Variants in EEFSEC observed in about 807,000 individuals in gnomAD.
EEFSEC encodes the protein selenocysteine-specific elongation factor.
In EEFSEC, 43 loss-of-function variants were observed where a neutral mutation model predicts 42.1. The ratio of observed to expected loss-of-function variants is 1.02; its 90% confidence interval spans 0.80 to 1.32. EEFSEC has a LOEUF of 1.32. Among genes scored for constraint, EEFSEC ranks in the 40% most tolerant of loss-of-function variants. EEFSEC has a pLI of 0.00. For missense variants in EEFSEC, 745 were observed against 803.6 expected, an observed-to-expected ratio of 0.93 and a Z score of 0.88; for synonymous variants, 354 against 339.1, an observed-to-expected ratio of 1.04 and a Z score of -0.48.
intron 4 of EEFSEC, among the ~76,000 whole-genome samples, chr3:128,336,458 G>C (rs898981592): frequency 6.6e-6 from 1 of 152,136 alleles, no homozygotes; most frequent in Non-Finnish European, 1.5e-5. Context: ...CCCCATCACT[G>C]GTGGCTTCCT....
At chr3:128,347,495 T>C (rs1467909646) in intron 5 of EEFSEC, among the ~76,000 whole-genome samples, 1 of 152,116 alleles carries the variant, frequency 6.6e-6, no homozygotes, top group South Asian at 2.1e-4. Context: ...GGAAAGAAAC[T>C]ATATGAATGC....
intron 1 of EEFSEC, among the ~76,000 whole-genome samples, chr3:128,216,873 C>G (rs146160569): frequency 1.4e-4 from 21 of 152,116 alleles, no homozygotes; most frequent in African/African-American, 4.8e-4. Context: ...CAGGGACAGT[C>G]TTTGTTCCCT....
intron 6 of EEFSEC, among the ~76,000 whole-genome samples, chr3:128,374,084 T>C (rs2067683546): frequency 6.6e-6 from 1 of 152,252 alleles, no homozygotes; most frequent in Admixed American, 6.5e-5. Flanking sequence ...GCAAGGGCAG[T>C]GCTGATGTCT....
chr3:128,284,944 G>A (rs966855836), intron 4 of EEFSEC, among the ~76,000 whole-genome samples: 2 of 151,598 alleles, frequency 1.3e-5, no homozygotes, highest in Non-Finnish European at 2.9e-5. Context: ...GTAAGGAGAA[G>A]CCACTGAAGG....
chr3:128,402,961 G>A (rs956357910), intron 6 of EEFSEC, among the ~76,000 whole-genome samples: 1 of 152,146 alleles, frequency 6.6e-6, no homozygotes. Flanking sequence ...AGCAGAGGCA[G>A]ACAACAAACC....
chr3:128,361,909 C>A (rs1446330866), intron 6 of EEFSEC, among the ~76,000 whole-genome samples: 1 of 152,136 alleles, frequency 6.6e-6, no homozygotes, highest in African/African-American at 2.4e-5. Context: ...GTCATAGCAT[C>A]ACTTGTAATT....
intron 4 of EEFSEC, among the ~76,000 whole-genome samples, chr3:128,269,934 T>C (rs546762985): frequency 1.3e-5 from 2 of 152,282 alleles, no homozygotes; most frequent in African/African-American, 4.8e-5. Context: ...TCAGAAACTG[T>C]TGAAGCCACA....
At chr3:128,191,763 C>T (rs2065527053) in intron 1 of EEFSEC, among the ~76,000 whole-genome samples, 1 of 152,190 alleles carries the variant, frequency 6.6e-6, no homozygotes, top group Admixed American at 6.5e-5. Flanking sequence ...CAAGGTTCAT[C>T]CACGTTGTAT....
intron 5 of EEFSEC, among the ~76,000 whole-genome samples, chr3:128,348,237 A>G (rs2067336418): frequency 1.6e-5 from 2 of 124,488 alleles, no homozygotes; most frequent in African/African-American, 3.3e-5. Context: ...ATATGGAGAG[A>G]TACAAAGTGT....
chr3:128,256,819 C>T (rs560694615), intron 2 of EEFSEC, among the ~76,000 whole-genome samples: 1 of 152,314 alleles, frequency 6.6e-6, no homozygotes, highest in South Asian at 2.1e-4. Flanking sequence ...CTGGATCTCA[C>T]TATAACCTTG....
chr3:128,262,844 G>A (rs1329466727), intron 3 of EEFSEC, among the ~76,000 whole-genome samples: 1 of 152,198 alleles, frequency 6.6e-6, no homozygotes, highest in East Asian at 1.9e-4. Flanking sequence ...ACTAAGGAAG[G>A]TAGCAGTGAG....
Position 128,379,947 on chromosome 3 carries a change from T to G in EEFSEC, c.1600+21574T>G, listed in dbSNP as rs368541815. Among the ~76,000 whole-genome samples the G allele has an allele frequency of 1.3e-4, 20 of 152,338 alleles. No individual in the cohort carries two copies. In the South Asian group the frequency reaches 3.9e-3, roughly 30 times the overall value. On this transcript the variant is annotated intron_variant, in intron 6 of 6. Coordinates refer to ENST00000254730, the MANE Select transcript of EEFSEC (RefSeq NM_021937.5). The stretch of plus-strand genomic sequence containing the variant: ...CTCTGGGCCCACACATGCTCCACCT[T>G]GTGTTGGCACATAGTAGGGCCTCGG...
intron 5 of EEFSEC, among the ~76,000 whole-genome samples, chr3:128,344,618 C>G (rs2067291268): frequency 6.6e-6 from 1 of 152,198 alleles, no homozygotes; most frequent in Non-Finnish European, 1.5e-5. Context: ...CTTTGTCAGA[C>G]AGATTCTTGC....
chr3:128,394,408 G>T (rs1042703767), intron 6 of EEFSEC, among the ~76,000 whole-genome samples: 2 of 152,098 alleles, frequency 1.3e-5, no homozygotes, highest in African/African-American at 4.8e-5. Context: ...ACTGCTCCCC[G>T]GGCCTTTGTT....
intron 1 of EEFSEC, among the ~76,000 whole-genome samples, chr3:128,159,435 C>T (rs1168280358): frequency 6.6e-6 from 1 of 152,214 alleles, no homozygotes; most frequent in Non-Finnish European, 1.5e-5. Context: ...TGCTTATTCT[C>T]CTCCTCCCTC....
intron 1 of EEFSEC, among the ~76,000 whole-genome samples, chr3:128,200,421 TG>T (rs1240128079): frequency 2.0e-5 from 3 of 152,236 alleles, no homozygotes; most frequent in Non-Finnish European, 4.4e-5. Context: ...CCCCAGTAGC[TG>T]GGATTACAGG....
chr3:128,185,038 GA>G (rs1270454303), intron 1 of EEFSEC, among the ~76,000 whole-genome samples: 1 of 151,950 alleles, frequency 6.6e-6, no homozygotes, highest in Non-Finnish European at 1.5e-5. Context: ...CTGAAAGAAG[GA>G]AAAAAACAAA....
At chr3:128,178,331 G>C (rs561485530) in intron 1 of EEFSEC, among the ~76,000 whole-genome samples, 14 of 152,174 alleles carry the variant, frequency 9.2e-5, no homozygotes, top group Admixed American at 6.5e-5. Flanking sequence ...ACTGGAAGTA[G>C]TTTTGTTAAG....
intron 1 of EEFSEC, among the ~76,000 whole-genome samples, chr3:128,226,343 G>A (rs963316807): frequency 2.0e-5 from 3 of 152,218 alleles, no homozygotes; most frequent in Admixed American, 6.5e-5. Context: ...ATGTGCTCTT[G>A]AGAAGATTGG....
Sources: gnomAD v4.1 joint callset for allele counts (sites outside exome capture counted in the v4.1 genomes callset) on GRCh38, gnomAD v4.1.1 for gene constraint, MANE v1.5 for transcripts, NCBI Gene and HGNC (gene_info 2026-07-23, HGNC 2026-07-21) for gene names.